PBX1: variants seen among roughly 807,000 people sequenced by gnomAD.
The protein encoded by PBX1 is PBX homeobox 1.
A neutral mutation model predicts 53.4 loss-of-function variants in PBX1; 6 were observed. The observed-to-expected ratio is 0.11, with a 90% CI of 0.06 to 0.22. The LOEUF is 0.22. Ranked by LOEUF, PBX1 falls within the 10% of genes least tolerant of loss-of-function variation. The pLI is 1.00. For missense variants in PBX1, 251 were observed against 551.4 expected (o/e 0.46, Z 5.46); for synonymous variants, 204 against 212.3 (o/e 0.96, Z 0.34).
At position 164,850,001 on chromosome 1, in the gene PBX1, A is replaced by G. The variant is rs1671753892; in HGVS notation, c.*3325A>G. ...TGTCTCGTTCTTTGTAGTATTGATG[A>G]TGAACATTTGATAATGAATGTTCTT... On this transcript the variant is annotated 3_prime_UTR_variant, in exon 9 of 9. Coordinates refer to ENST00000420696, the MANE Select transcript of PBX1 (RefSeq NM_002585.4). The G allele has an allele frequency of 4.4e-6, 1 of 227,408 alleles. No individual in the cohort carries two copies. Among genetic ancestry groups the G allele is most frequent in the African/African-American group, 2.2e-5 (1 of 45,028 alleles). 14.1% of individuals were successfully genotyped at this position (227,408 alleles called of 1,614,324 possible).
In PBX1 at chr1:164,788,302, A is replaced by G. The variant is rs138736146; in HGVS notation, c.266-4192A>G. 2.1e-3 allele frequency among the ~76,000 whole-genome samples: 317 copies of G among 152,318 alleles called. 2 individuals carry two copies. In the South Asian group the frequency reaches 0.023, roughly 11 times the overall value. On this transcript the variant is annotated intron_variant, in intron 2 of 8. Transcript: ENST00000420696. Reference sequence around the variant, plus strand: ...ATAATCATTTTGTCTCCTACTCACCAGAGTACTGGCTTCCAGCAATAAATA... The same window carrying G: ...ATAATCATTTTGTCTCCTACTCACCGGAGTACTGGCTTCCAGCAATAAATA...
intron 2 of PBX1, among the ~76,000 whole-genome samples, chr1:164,644,982 G>A (rs1034893563): frequency 4.6e-5 from 7 of 152,172 alleles, no homozygotes; most frequent in African/African-American, 1.7e-4. Context: ...TTGGACTAGG[G>A]ACTGCTTTTT....
intron 2 of PBX1, among the ~76,000 whole-genome samples, chr1:164,739,380 G>A (rs1665474796): frequency 1.3e-5 from 2 of 152,064 alleles, no homozygotes; most frequent in African/African-American, 4.8e-5. Flanking sequence ...TACCTAGCAG[G>A]CTGTGTTCTA....
intron 6 of PBX1, chr1:164,819,682 T>A: frequency 6.1e-6 from 1 of 163,830 alleles, no homozygotes; most frequent in Non-Finnish European, 1.3e-5. Context: ...GAAGTACCAG[T>A]GACCAGCCCA....
At chr1:164,758,360 G>A (rs1175966542) in intron 2 of PBX1, among the ~76,000 whole-genome samples, 1 of 152,210 alleles carries the variant, frequency 6.6e-6, no homozygotes, top group East Asian at 1.9e-4. Context: ...TCGAGTGACT[G>A]CAGCCTGGCT....
At chr1:164,573,277 A>T (rs748283783) in intron 2 of PBX1, among the ~76,000 whole-genome samples, 1 of 151,978 alleles carries the variant, frequency 6.6e-6, no homozygotes, top group African/African-American at 2.4e-5. Context: ...AAATTTAATG[A>T]TTTAAATTTT....
chr1:164,804,929 A>G (rs1669271855), intron 4 of PBX1, among the ~76,000 whole-genome samples: 1 of 152,220 alleles, frequency 6.6e-6, no homozygotes, highest in African/African-American at 2.4e-5. Context: ...TAGTTTTGGA[A>G]ACAGTTTGTT....
At chr1:164,815,568 C>A (rs566937524) in intron 6 of PBX1, 5 of 152,320 alleles carry the variant, frequency 3.3e-5, no homozygotes, top group Admixed American at 2.0e-4. Context: ...TTAATTGACT[C>A]AGGTTAGCAT....
chr1:164,649,808 C>T (rs963703804), intron 2 of PBX1, among the ~76,000 whole-genome samples: 28 of 152,196 alleles, frequency 1.8e-4, no homozygotes, highest in African/African-American at 6.5e-4. Context: ...CCAGCCTTCA[C>T]ATACTTTCTC....
intron 2 of PBX1, among the ~76,000 whole-genome samples, chr1:164,707,339 C>T (rs1386852983): frequency 1.3e-5 from 2 of 148,926 alleles, no homozygotes; most frequent in East Asian, 2.0e-4. Flanking sequence ...TAGGGCAAAT[C>T]TAGAGATGGG....
intron 2 of PBX1, among the ~76,000 whole-genome samples, chr1:164,580,510 C>T (rs1449292688): frequency 6.6e-6 from 1 of 151,876 alleles, no homozygotes; most frequent in African/African-American, 2.4e-5. Flanking sequence ...GAACTCCTGA[C>T]CTCAAGTGAT....
At chr1:164,830,321 CA>C (rs1007492386) in intron 8 of PBX1, among the ~76,000 whole-genome samples, 1 of 151,974 alleles carries the variant, frequency 6.6e-6, no homozygotes, top group Non-Finnish European at 1.5e-5. Flanking sequence ...ATGAAGCCAC[CA>C]AAGTGGGGTG....
At chr1:164,695,720 C>T (rs1301719178) in intron 2 of PBX1, among the ~76,000 whole-genome samples, 4 of 152,194 alleles carry the variant, frequency 2.6e-5, no homozygotes, top group Admixed American at 2.6e-4. Context: ...ATGGTAGGTG[C>T]TCTGTAATCT....
intron 2 of PBX1, among the ~76,000 whole-genome samples, chr1:164,575,580 A>G (rs1232130109): frequency 1.3e-5 from 2 of 152,174 alleles, no homozygotes; most frequent in African/African-American, 2.4e-5. Flanking sequence ...CATTGTTAAT[A>G]GAATTGAAAC....
intron 2 of PBX1, among the ~76,000 whole-genome samples, chr1:164,568,352 C>T (rs985318226): frequency 1.1e-4 from 17 of 151,886 alleles, no homozygotes; most frequent in African/African-American, 3.1e-4. Flanking sequence ...AAAAAGTTTA[C>T]CAAAGCACCA....
intron 2 of PBX1, among the ~76,000 whole-genome samples, chr1:164,730,187 A>G (rs1664902682): frequency 6.6e-6 from 1 of 152,214 alleles, no homozygotes; most frequent in Non-Finnish European, 1.5e-5. Context: ...ACTTCTTGTC[A>G]ATTAGTTCTG....
chr1:164,883,914 C>T (rs1340936170), intron 2 of PBX1, among the ~76,000 whole-genome samples: 5 of 152,170 alleles, frequency 3.3e-5, no homozygotes, highest in African/African-American at 1.2e-4. Context: ...CTAACACTCC[C>T]TCTGAACTGT....
At chr1:164,582,927 A>G (rs1440925258) in intron 2 of PBX1, among the ~76,000 whole-genome samples, 7 of 152,212 alleles carry the variant, frequency 4.6e-5, no homozygotes, top group African/African-American at 1.4e-4. Context: ...CAGGATTTGT[A>G]TGCTCAGCCC....
At chr1:164,803,922 C>G (rs953187140) in intron 4 of PBX1, among the ~76,000 whole-genome samples, 1 of 152,066 alleles carries the variant, frequency 6.6e-6, no homozygotes, top group Admixed American at 6.6e-5. Flanking sequence ...AGGGATAATC[C>G]TGTAAATAGG....
Sources: allele counts gnomAD v4.1 joint callset (sites outside exome capture counted in the v4.1 genomes callset), GRCh38; gene constraint gnomAD v4.1.1; transcripts MANE v1.5; gene names NCBI Gene and HGNC (gene_info 2026-07-23, HGNC 2026-07-21).